The following DENND5A variants were observed in gnomAD, a reference collection of about 807,000 sequenced individuals.
DENND5A encodes DENN domain-containing protein 5A.
Under a neutral mutation model 140.3 loss-of-function variants are expected in DENND5A, and 64 were observed. That is an observed-to-expected ratio of 0.46 (90% CI 0.37 to 0.56). The LOEUF is 0.56. DENND5A is among the 20% of genes least tolerant of loss of function. The probability of loss-of-function intolerance (pLI) is 0.00; values close to 1 mark genes in which losing one functional copy is unlikely to be tolerated. For synonymous variants in DENND5A, 605 were observed against 607.7 expected (o/e 1.00, Z 0.07); for missense variants, 1,292 against 1,593.8 (o/e 0.81, Z 3.22).
chr11:9,239,971 AGAG>A (rs1442295359), intron 1 of DENND5A, among the ~76,000 whole-genome samples: 1 of 152,194 alleles, frequency 6.6e-6, no homozygotes, highest in African/African-American at 2.4e-5. Context: ...AATAAATCAT[AGAG>A]ATTATGTTTT....
chr11:9,176,150 C>T (rs1436688296), intron 8 of DENND5A, among the ~76,000 whole-genome samples: 2 of 152,334 alleles, frequency 1.3e-5, no homozygotes, highest in African/African-American at 2.4e-5. Flanking sequence ...AATTAGACTA[C>T]TTTAACTCAG....
At chr11:9,149,590 G>A (rs1201570297) in intron 15 of DENND5A, among the ~76,000 whole-genome samples, 2 of 152,194 alleles carry the variant, frequency 1.3e-5, no homozygotes, top group Non-Finnish European at 2.9e-5. Context: ...AAGTTTACCA[G>A]GTAGAGTGTG....
Position 9,169,848 on chromosome 11 carries a change from T to C in DENND5A, c.2151+8A>G, listed in dbSNP as rs765609723. ...AAGGTCATCCTTATCATTCTTAAGG[T>C]ATCTTACCTCCCTCTGGTCATTATC... On this transcript the variant is annotated splice_region_variant and intron_variant, in intron 10 of 22. Coordinates refer to ENST00000328194, the MANE Select transcript of DENND5A (RefSeq NM_015213.4). 2 of 1,550,740 alleles carry C rather than the reference T, an allele frequency of 1.3e-6. No individual in the cohort carries two copies. Among genetic ancestry groups the C allele is most frequent in the Admixed American group, 1.7e-5 (1 of 59,908 alleles).
chr11:9,165,986 T>TAA lies in DENND5A; in HGVS notation c.2152-21_2152-20dup. ...TGTACTTCTATATCAAACAGAAAAA[T>TAA]AAAGACCCTTTGTGTCCATGTACAT... On this transcript the variant is annotated intron_variant, in intron 10 of 22. Transcript: ENST00000328194. The TAA allele has an allele frequency of 6.2e-7, 1 of 1,613,680 alleles. No homozygotes were observed. Among genetic ancestry groups the TAA allele is most frequent in the South Asian group, 1.1e-5 (1 of 91,060 alleles).
intron 1 of DENND5A, among the ~76,000 whole-genome samples, chr11:9,213,121 G>A (rs1373415350): frequency 2.0e-5 from 3 of 149,994 alleles, no homozygotes; most frequent in East Asian, 2.0e-4. Flanking sequence ...CTCCTTCCTC[G>A]GCCTCCCGAG....
At chr11:9,145,590 A>G (rs1243148038) in intron 17 of DENND5A, 80 bp downstream of exon 17, 6 of 1,494,410 alleles carry the variant, frequency 4.0e-6, no homozygotes, top group Non-Finnish European at 9.3e-7. Flanking sequence ...AAGCCCTCTG[A>G]AAAACCCTGC....
chr11:9,196,826 G>T (rs1159248159), intron 4 of DENND5A, among the ~76,000 whole-genome samples: 1 of 151,608 alleles, frequency 6.6e-6, no homozygotes, highest in Non-Finnish European at 1.5e-5. Flanking sequence ...GGTCAGGTTG[G>T]TCTTAAGCTT....
intron 21 of DENND5A, 131 bp downstream of exon 21, chr11:9,142,591 C>T (rs1847281817): frequency 2.2e-5 from 26 of 1,205,228 alleles, no homozygotes; most frequent in Non-Finnish European, 3.0e-5. Flanking sequence ...AAAACCAGAG[C>T]AAACAAATGA....
chr11:9,170,396 G>T, intron 9 of DENND5A: 2 of 623,704 alleles, frequency 3.2e-6, no homozygotes, highest in Non-Finnish European at 4.0e-6. Flanking sequence ...GCTTTTTGCA[G>T]GTCCTAGACA....
intron 6 of DENND5A, 134 bp from the exon 7 acceptor site, chr11:9,179,207 G>A: frequency 1.4e-6 from 1 of 727,138 alleles, no homozygotes; most frequent in Non-Finnish European, 2.2e-6. Flanking sequence ...GAGAACAAAA[G>A]AGGAAAAACT....
At chr11:9,152,290 G>A (rs1847643287) in intron 13 of DENND5A, 68 bp downstream of exon 13, 1 of 1,189,012 alleles carries the variant, frequency 8.4e-7, no homozygotes. Context: ...TTGCTTCAAA[G>A]TGATCACGCC....
In DENND5A at chr11:9,204,072, A is replaced by G. The variant is rs1227856900; in HGVS notation, c.537T>C (p.Asp179=). ...ADDRDQSSME[D]GEDTPVTKLQ... The stretch of plus-strand genomic sequence containing the variant: ...GTTTGGTCACAGGAGTGTCTTCACC[A>G]TCCTCCATGCTGCTCTGGTCTCTGT... Residue 179 remains aspartate (D), a synonymous_variant, in exon 4 of 23, where the codon GAT becomes GAC. Coordinates refer to ENST00000328194, the MANE Select transcript of DENND5A (RefSeq NM_015213.4). The G allele has an allele frequency of 8.7e-6, 14 of 1,614,028 alleles. No homozygotes were observed. Among genetic ancestry groups the G allele is most frequent in the Admixed American group, 1.7e-5 (1 of 59,992 alleles).
At chr11:9,192,091 C>A (rs910583866) in intron 5 of DENND5A, among the ~76,000 whole-genome samples, 1 of 151,912 alleles carries the variant, frequency 6.6e-6, no homozygotes, top group East Asian at 1.9e-4. Context: ...GAAAAAAGGG[C>A]AGAAATGGAA....
At chr11:9,264,052 C>T (rs1852334567) in intron 1 of DENND5A, among the ~76,000 whole-genome samples, 2 of 152,198 alleles carry the variant, frequency 1.3e-5, no homozygotes, top group South Asian at 4.1e-4. Flanking sequence ...CAAACCTCCA[C>T]CCACTTGAAA....
intron 1 of DENND5A, among the ~76,000 whole-genome samples, chr11:9,249,088 CGTG>C (rs1305790878): frequency 6.6e-6 from 1 of 151,790 alleles, no homozygotes; most frequent in African/African-American, 2.4e-5. Flanking sequence ...ATTAGCCGGG[CGTG>C]GTGGTGGGCG....
chr11:9,162,541 T>C (rs1848023256), intron 11 of DENND5A, among the ~76,000 whole-genome samples: 1 of 152,016 alleles, frequency 6.6e-6, no homozygotes, highest in African/African-American at 2.4e-5. Flanking sequence ...GCCTGGCCAG[T>C]ATTTTATTTA....
At position 9,189,841 on chromosome 11, in the gene DENND5A, C is replaced by T. The variant is rs1395168223; in HGVS notation, c.1137+3653G>A. On this transcript the variant is annotated intron_variant, in intron 5 of 22. Transcript: ENST00000328194. ...TTTAAGTAGAGATGGCGTATCTCCA[C>T]GTTGGTCAGGCTGGTCTTGAACTCC... 2.0e-5 allele frequency among the ~76,000 whole-genome samples: 3 copies of T among 152,098 alleles called. No individual in the cohort carries two copies. In the South Asian group the frequency reaches 6.2e-4, roughly 32 times the overall value.
chr11:9,199,514 AT>A (rs1202236079), intron 4 of DENND5A, among the ~76,000 whole-genome samples: 1 of 152,186 alleles, frequency 6.6e-6, no homozygotes, highest in Non-Finnish European at 1.5e-5. Context: ...AGTAACAATA[AT>A]TTTTTAACAA....
intron 13 of DENND5A, among the ~76,000 whole-genome samples, chr11:9,151,689 G>A (rs767531729): frequency 1.6e-4 from 25 of 152,202 alleles, no homozygotes; most frequent in Non-Finnish European, 3.4e-4. Context: ...AAGAAGCAGG[G>A]AGACTAGCCT....
Sources: gnomAD v4.1 joint callset for allele counts (sites outside exome capture counted in the v4.1 genomes callset) on GRCh38, gnomAD v4.1.1 for gene constraint, MANE v1.5 for transcripts, NCBI Gene and HGNC (gene_info 2026-07-23, HGNC 2026-07-21) for gene names.